The following SLCO3A1 variants were observed in gnomAD, a reference collection of about 807,000 sequenced individuals.
The protein encoded by SLCO3A1 is PGE1 transporter.
SLCO3A1 carries 27 observed loss-of-function variants against 63.1 expected under a neutral mutation model. The ratio of observed to expected loss-of-function variants is 0.43; its 90% CI spans 0.32 to 0.59. The LOEUF (loss-of-function observed/expected upper bound fraction) is 0.59, where lower values mean the gene tolerates loss of function less well. Ranked by LOEUF, SLCO3A1 falls within the 20% of genes least tolerant of loss-of-function variation. SLCO3A1 has a pLI of 0.09. For missense variants in SLCO3A1, 773 were observed against 945.8 expected, an observed-to-expected ratio of 0.82 and a Z score of 2.40; for synonymous variants, 473 against 409.9, an observed-to-expected ratio of 1.15 and a Z score of -1.86.
At chr15:91,873,561 C>CAT (rs1555445590) in intron 1 of SLCO3A1, among the ~76,000 whole-genome samples, 2 of 151,578 alleles carry the variant, frequency 1.3e-5, no homozygotes, top group African/African-American at 2.4e-5. Flanking sequence ...CACACACACA[C>CAT]ACACATACAT....
At chr15:91,939,281 G>A (rs1000551573) in intron 2 of SLCO3A1, among the ~76,000 whole-genome samples, 14 of 152,130 alleles carry the variant, frequency 9.2e-5, no homozygotes, top group South Asian at 2.1e-4. Flanking sequence ...TCAAGAACTC[G>A]CTCATTATCA....
At chr15:92,074,025 G>T (rs879856245) in intron 2 of SLCO3A1, among the ~76,000 whole-genome samples, 2 of 152,182 alleles carry the variant, frequency 1.3e-5, no homozygotes, top group African/African-American at 2.4e-5. Flanking sequence ...CAAAAAATTA[G>T]CTGGGCATGG....
Position 91,853,896 on chromosome 15 carries a change from CGG to C in SLCO3A1, c.-12_-11del. 1 of 1,347,310 alleles carries C rather than the reference CGG, an allele frequency of 7.4e-7. No individual in the cohort carries two copies. Among genetic ancestry groups the C allele is most frequent in the Non-Finnish European group, 9.6e-7 (1 of 1,044,220 alleles). The allele number at this position is 1,347,310 out of a possible 1,614,324, so 83.5% of individuals were successfully genotyped here. ...GCGGCAGCGGCGGCGGCGGCGGCGG[CGG>C]CGGGGGAAGGATGCAGGGGAAGAAG... On this transcript the variant is annotated 5_prime_UTR_variant, in exon 1 of 10. Transcript: ENST00000318445.
intron 2 of SLCO3A1, among the ~76,000 whole-genome samples, chr15:92,056,076 A>G (rs2047017700): frequency 1.3e-5 from 2 of 151,734 alleles, no homozygotes; most frequent in African/African-American, 2.4e-5. Context: ...TATTTTTCCC[A>G]TGTAGTCTTT....
intron 1 of SLCO3A1, among the ~76,000 whole-genome samples, chr15:91,893,192 G>A (rs1042564379): frequency 1.3e-5 from 2 of 152,200 alleles, no homozygotes; most frequent in African/African-American, 4.8e-5. Context: ...TTAAAGAGCT[G>A]CATTTTACAT....
At chr15:92,019,960 A>G (rs1472663030) in intron 2 of SLCO3A1, among the ~76,000 whole-genome samples, 4 of 152,130 alleles carry the variant, frequency 2.6e-5, no homozygotes, top group Non-Finnish European at 5.9e-5. Flanking sequence ...ATCAAAGCCC[A>G]AGGCTCGTGG....
chr15:92,013,929 C>G (rs1437431928), intron 2 of SLCO3A1, among the ~76,000 whole-genome samples: 1 of 152,180 alleles, frequency 6.6e-6, no homozygotes, highest in Non-Finnish European at 1.5e-5. Context: ...AGGAATTAAG[C>G]AGGTTTTTCT....
chr15:92,128,003 A>G (rs1322862772), intron 6 of SLCO3A1, among the ~76,000 whole-genome samples: 3 of 152,102 alleles, frequency 2.0e-5, no homozygotes, highest in Non-Finnish European at 4.4e-5. Flanking sequence ...AGCAGTCCCA[A>G]CTGCCACCAG....
At chr15:92,126,037 C>T (rs1041158297) in intron 5 of SLCO3A1, 24 bp from the exon 6 acceptor site, 14 of 1,608,148 alleles carry the variant, frequency 8.7e-6, no homozygotes, top group Middle Eastern at 1.6e-4. Flanking sequence ...TGTTCACAGC[C>T]CTGCCCCTCT....
At chr15:92,051,468 G>C (rs1046717936) in intron 2 of SLCO3A1, among the ~76,000 whole-genome samples, 1 of 152,192 alleles carries the variant, frequency 6.6e-6, no homozygotes, top group Admixed American at 6.5e-5. Flanking sequence ...TAGACCTCAT[G>C]GATTTGCTCA....
At chr15:91,899,575 T>G (rs1898099860) in intron 1 of SLCO3A1, among the ~76,000 whole-genome samples, 1 of 152,234 alleles carries the variant, frequency 6.6e-6, no homozygotes, top group African/African-American at 2.4e-5. Context: ...ACCTTACATT[T>G]TGATCATTTC....
At chr15:92,059,338 C>T (rs1392017145) in intron 2 of SLCO3A1, among the ~76,000 whole-genome samples, 2 of 152,216 alleles carry the variant, frequency 1.3e-5, no homozygotes, top group African/African-American at 2.4e-5. Flanking sequence ...TGCCCTCAGG[C>T]AGGGGGCTGG....
chr15:92,136,704 A>C (rs768741188), intron 7 of SLCO3A1, among the ~76,000 whole-genome samples: 23 of 152,164 alleles, frequency 1.5e-4, no homozygotes, highest in Non-Finnish European at 2.9e-4. Context: ...AAAAAGGAGG[A>C]TATGAGGGAC....
intron 2 of SLCO3A1, among the ~76,000 whole-genome samples, chr15:92,058,239 C>T (rs996634630): frequency 7.2e-5 from 11 of 152,062 alleles, no homozygotes; most frequent in African/African-American, 2.7e-4. Context: ...TTCCACAGAT[C>T]CAGAAACTGA....
In SLCO3A1 at chr15:92,013,353, C is replaced by T. The variant is rs149474842; in HGVS notation, c.647-81528C>T. ...GAGTCACACAGGTGCTGCGGCCAAA[C>T]GCCTCTGATGTTCCTGCAGTACGTG... On this transcript the variant is annotated intron_variant, in intron 2 of 9. Coordinates refer to ENST00000318445, the MANE Select transcript of SLCO3A1 (RefSeq NM_013272.4). Among the ~76,000 whole-genome samples, 933 of 152,308 alleles carry T rather than the reference C, an allele frequency of 6.1e-3. 7 individuals are homozygous for T. Among genetic ancestry groups the T allele is most frequent in the Non-Finnish European group, 8.2e-3 (555 of 68,026 alleles).
chr15:92,092,150 C>T (rs995832130), intron 2 of SLCO3A1, among the ~76,000 whole-genome samples: 1 of 152,166 alleles, frequency 6.6e-6, no homozygotes, highest in Non-Finnish European at 1.5e-5. Context: ...TCCTCACTTT[C>T]AACTGTACTG....
chr15:91,933,278 A>G (rs1013111476), intron 2 of SLCO3A1, among the ~76,000 whole-genome samples: 7 of 152,216 alleles, frequency 4.6e-5, no homozygotes, highest in African/African-American at 1.7e-4. Context: ...TTCCAAAAAT[A>G]TATAATTATG....
Position 91,875,331 on chromosome 15 carries a change from C to T in SLCO3A1, c.180+21243C>T, listed in dbSNP as rs143550386. Among the ~76,000 whole-genome samples, 1,041 of 152,294 alleles carry T rather than the reference C, an allele frequency of 6.8e-3. 8 individuals are homozygous for T. Among genetic ancestry groups the T allele is most frequent in the African/African-American group, 0.023 (973 of 41,552 alleles). On this transcript the variant is annotated intron_variant, in intron 1 of 9. Transcript: ENST00000318445. The surrounding 1 kb of genome is among the most constrained non-coding windows in gnomAD (Gnocchi z 4.5). ...CCTCCCTTTCCTCTGACCCTCCCCT[C>T]CCACTGTGGATCATGGTCTCCTCCC... is the stretch of plus-strand genomic sequence containing the variant.
At chr15:92,100,762 C>A (rs1436380446) in intron 3 of SLCO3A1, among the ~76,000 whole-genome samples, 2 of 152,188 alleles carry the variant, frequency 1.3e-5, no homozygotes, top group African/African-American at 4.8e-5. Flanking sequence ...GTTGCGGTAA[C>A]AAACAGCTCC....
Sources: allele counts gnomAD v4.1 joint callset (sites outside exome capture counted in the v4.1 genomes callset), GRCh38; gene constraint gnomAD v4.1.1; non-coding constraint Gnocchi (gnomAD v3.1); transcripts MANE v1.5; gene names NCBI Gene and HGNC (gene_info 2026-07-23, HGNC 2026-07-21).